CSMD3: variants seen among roughly 807,000 people sequenced by gnomAD.
CSMD3 encodes the protein CUB and sushi domain-containing protein 3.
In CSMD3, 177 loss-of-function variants were observed where a neutral mutation model predicts 435.2. The observed-to-expected ratio is 0.41, with a 90% CI of 0.36 to 0.46. The LOEUF is 0.46. Ranked by LOEUF, CSMD3 falls within the 20% of genes least tolerant of loss-of-function variation. The pLI is 0.34. For synonymous variants in CSMD3, 1,656 were observed against 1,520.5 expected (o/e 1.09, Z -2.07); for missense variants, 4,265 against 4,504.6 (o/e 0.95, Z 1.52).
chr8:112,565,749 C>T (rs1028668871), intron 24 of CSMD3, among the ~76,000 whole-genome samples: 7 of 151,986 alleles, frequency 4.6e-5, no homozygotes, highest in Admixed American at 2.6e-4. Context: ...TAGTATAATC[C>T]ATCAATAAGT....
chr8:112,507,617 G>A (rs886418844), intron 28 of CSMD3, among the ~76,000 whole-genome samples: 3 of 152,132 alleles, frequency 2.0e-5, no homozygotes, highest in Admixed American at 6.6e-5. Context: ...CCTTGGTTTC[G>A]AAATTGTAGT....
chr8:113,375,514 T>TAC (rs3221516), intron 1 of CSMD3, among the ~76,000 whole-genome samples: 14,298 of 69,142 alleles, frequency 0.21, 1,033 homozygotes, highest in South Asian at 0.34. Flanking sequence ...GACTATTTAA[T>TAC]ACACACACAC....
chr8:112,928,800 C>T (rs1373770202), intron 9 of CSMD3, among the ~76,000 whole-genome samples: 1 of 149,906 alleles, frequency 6.7e-6, no homozygotes, highest in Non-Finnish European at 1.5e-5. Context: ...TGGGTATATA[C>T]CCACTAATGG....
In CSMD3 at chr8:113,203,411, G is replaced by C. The variant is rs573474034; in HGVS notation, c.515-29495C>G. 2.6e-5 allele frequency among the ~76,000 whole-genome samples: 4 copies of C among 151,534 alleles called. No homozygotes were observed. The South Asian group carries it at 8.3e-4, about 32-fold the overall frequency. On this transcript the variant is annotated intron_variant, in intron 3 of 70. Transcript: ENST00000297405. ...CACCATGGACCTCTTGGGCTCAAAT[G>C]ACCCTCTTGCCTGAGCCACCATGAC...
intron 5 of CSMD3, among the ~76,000 whole-genome samples, chr8:113,075,850 T>C (rs576403509): frequency 1.3e-5 from 2 of 151,946 alleles, no homozygotes; most frequent in Non-Finnish European, 3.0e-5. Context: ...ACTTAAAGAA[T>C]GCACCAGTGA....
chr8:112,318,168 T>C (rs1822650673), intron 47 of CSMD3, among the ~76,000 whole-genome samples: 1 of 151,980 alleles, frequency 6.6e-6, no homozygotes, highest in South Asian at 2.1e-4. Flanking sequence ...GACCACCCTC[T>C]CTCTAGCTCT....
intron 1 of CSMD3, among the ~76,000 whole-genome samples, chr8:113,428,044 T>C (rs1277303260): frequency 6.6e-6 from 1 of 151,750 alleles, no homozygotes; most frequent in Non-Finnish European, 1.5e-5. Flanking sequence ...TTAACATATG[T>C]ATTACCTGTG....
chr8:112,506,627 T>C (rs564383437), intron 29 of CSMD3, 64 bp downstream of exon 29: 31 of 1,523,824 alleles, frequency 2.0e-5, no homozygotes, highest in Non-Finnish European at 2.2e-5. Flanking sequence ...CTAGTACAAA[T>C]GCTAAAGCAA....
intron 12 of CSMD3, among the ~76,000 whole-genome samples, chr8:112,801,887 T>A: frequency 6.6e-6 from 1 of 152,048 alleles, no homozygotes; most frequent in East Asian, 1.9e-4. Flanking sequence ...TACTAAGAGT[T>A]GTTTTTCTGG....
At position 113,180,496 on chromosome 8, in the gene CSMD3, C is replaced by T. The variant is rs1177744331; in HGVS notation, c.515-6580G>A. 5.3e-5 allele frequency among the ~76,000 whole-genome samples: 8 copies of T among 151,964 alleles called. No individual in the cohort carries two copies. In the South Asian group the frequency reaches 1.0e-3, roughly 20 times the overall value. On this transcript the variant is annotated intron_variant, in intron 3 of 70. Coordinates refer to ENST00000297405, the MANE Select transcript of CSMD3 (RefSeq NM_198123.2). ...AATTTATTTCTATATACATTTACTT[C>T]CTCACCAGATTTTGAGCATCTTGAG...
chr8:113,324,779 G>C (rs1210704630), intron 1 of CSMD3, among the ~76,000 whole-genome samples: 2 of 152,194 alleles, frequency 1.3e-5, no homozygotes, highest in African/African-American at 4.8e-5. Context: ...CCCTGGAAAA[G>C]CCACAGACAC....
intron 27 of CSMD3, among the ~76,000 whole-genome samples, chr8:112,520,202 A>G (rs1182674731): frequency 6.6e-6 from 1 of 152,120 alleles, no homozygotes; most frequent in African/African-American, 2.4e-5. Flanking sequence ...CCAATAAAAT[A>G]ATGATAATAG....
chr8:113,321,008 T>A (rs1431466443), intron 1 of CSMD3, among the ~76,000 whole-genome samples: 1 of 152,152 alleles, frequency 6.6e-6, no homozygotes, highest in East Asian at 1.9e-4. Context: ...CTATCTCTAG[T>A]CCCCTCTTTG....
intron 31 of CSMD3, among the ~76,000 whole-genome samples, chr8:112,474,121 A>T (rs1212245217): frequency 6.6e-6 from 1 of 152,156 alleles, no homozygotes; most frequent in Admixed American, 6.5e-5. Flanking sequence ...GCTCTCTGCA[A>T]GTTATAGCCA....
At chr8:112,999,811 C>T (rs1436080213) in intron 6 of CSMD3, among the ~76,000 whole-genome samples, 1 of 151,122 alleles carries the variant, frequency 6.6e-6, no homozygotes, top group African/African-American at 2.4e-5. Context: ...AAACATTTGT[C>T]CTGAATAAAT....
intron 5 of CSMD3, among the ~76,000 whole-genome samples, chr8:113,049,650 T>C (rs2087999448): frequency 6.6e-6 from 1 of 152,146 alleles, no homozygotes; most frequent in Non-Finnish European, 1.5e-5. Flanking sequence ...CATTGACTTG[T>C]TGTGCCTTTA....
chr8:112,529,747 A>G (rs1158493918), intron 27 of CSMD3, among the ~76,000 whole-genome samples: 1 of 152,158 alleles, frequency 6.6e-6, no homozygotes, highest in African/African-American at 2.4e-5. Flanking sequence ...ATAATTGGAT[A>G]ATACACATAT....
intron 11 of CSMD3, among the ~76,000 whole-genome samples, chr8:112,840,080 C>T (rs960237824): frequency 2.6e-5 from 4 of 151,584 alleles, no homozygotes; most frequent in African/African-American, 9.7e-5. Flanking sequence ...TCTTCCTGGA[C>T]AAGCAACTTA....
At chr8:112,649,014 C>T (rs2075054799) in intron 19 of CSMD3, among the ~76,000 whole-genome samples, 1 of 152,198 alleles carries the variant, frequency 6.6e-6, no homozygotes, top group Admixed American at 6.5e-5. Flanking sequence ...CTCTCTGAAA[C>T]TGAAGATACA....
Sources: allele counts gnomAD v4.1 joint callset (sites outside exome capture counted in the v4.1 genomes callset), GRCh38; gene constraint gnomAD v4.1.1; transcripts MANE v1.5; gene names NCBI Gene and HGNC (gene_info 2026-07-23, HGNC 2026-07-21).